CCDC73: variants seen among roughly 807,000 people sequenced by gnomAD.
The protein encoded by CCDC73 is coiled-coil domain containing 73, also known as coiled-coil domain-containing protein 73.
Under a neutral mutation model 116.5 loss-of-function variants are expected in CCDC73, and 95 were observed. The observed-to-expected ratio is 0.82, with a 90% CI of 0.69 to 0.97. The LOEUF (loss-of-function observed/expected upper bound fraction) is 0.97. Among genes scored for constraint, CCDC73 ranks in the 50% least tolerant of loss-of-function variants. The pLI is 0.00. For synonymous variants in CCDC73, 398 were observed against 401.3 expected (o/e 0.99, Z 0.10); for missense variants, 1,066 against 1,206.8 (o/e 0.88, Z 1.73).
intron 1 of CCDC73, among the ~76,000 whole-genome samples, chr11:32,779,700 G>A (rs368948948): frequency 4.6e-5 from 7 of 152,074 alleles, no homozygotes; most frequent in East Asian, 3.8e-4. Flanking sequence ...AATGACAGAC[G>A]CACAGTTCAA....
In CCDC73 at chr11:32,712,030, T is replaced by C. The variant is rs528111207; in HGVS notation, c.207+6046A>G. On this transcript the variant is annotated intron_variant, in intron 3 of 17. Coordinates refer to ENST00000335185, the MANE Select transcript of CCDC73 (RefSeq NM_001008391.4). ...TTAAGGATTTATTTAGACTTCATGA[T>C]ACCTCATGCTGCGCAATCCTTGTTA... Among the ~76,000 whole-genome samples the C allele has an allele frequency of 9.2e-5, 14 of 152,334 alleles. No individual in the cohort carries two copies. In the South Asian group the frequency reaches 2.9e-3, roughly 32 times the overall value.
At chr11:32,671,398 C>CAAAAAAAAAAAAAAAAA (rs58075036) in intron 9 of CCDC73, among the ~76,000 whole-genome samples, 1 of 122,420 alleles carries the variant, frequency 8.2e-6, no homozygotes, top group African/African-American at 3.0e-5. Flanking sequence ...AACTTTGCTC[C>CAAAAAAAAAAAAAAAAA]AAAAAAAAAA....
intron 9 of CCDC73, among the ~76,000 whole-genome samples, chr11:32,655,991 G>A (rs1049935261): frequency 6.6e-6 from 1 of 151,962 alleles, no homozygotes; most frequent in Non-Finnish European, 1.5e-5. Flanking sequence ...TTTCGGTCTC[G>A]GCTACACAGT....
At chr11:32,759,099 T>C (rs965143592) in intron 2 of CCDC73, among the ~76,000 whole-genome samples, 5 of 152,010 alleles carry the variant, frequency 3.3e-5, no homozygotes, top group African/African-American at 1.2e-4. Context: ...TATTGATTCT[T>C]CTTTCTGCCT....
chr11:32,700,783 A>T lies in CCDC73; in HGVS notation c.315+8T>A, dbSNP rs1396966079. ...ATAGACAGAAAATTTTAAAAAAATTATAAATACCTTTTCTTCTTCCAGGGC... is the reference window on the plus strand; with the variant it reads ...ATAGACAGAAAATTTTAAAAAAATTTTAAATACCTTTTCTTCTTCCAGGGC... On this transcript the variant is annotated splice_region_variant and intron_variant, in intron 5 of 17. Coordinates refer to ENST00000335185, the MANE Select transcript of CCDC73 (RefSeq NM_001008391.4). The T allele has an allele frequency of 4.4e-6, 6 of 1,379,114 alleles. No individual in the cohort carries two copies. The highest frequency in any genetic ancestry group is 5.9e-6 in the Non-Finnish European group (6 of 1,017,596). 85.4% of individuals were successfully genotyped at this position (1,379,114 alleles called of 1,614,324 possible).
At chr11:32,829,738 A>C in the CCDC73 span, 3 of 983,836 alleles carry the variant, frequency 3.0e-6, no homozygotes, top group Non-Finnish European at 3.6e-6. Flanking sequence ...CCGCGCCGCC[A>C]AGGCGGGGCC....
intron 6 of CCDC73, among the ~76,000 whole-genome samples, chr11:32,690,181 A>G (rs1856241901): frequency 6.6e-6 from 1 of 152,186 alleles, no homozygotes; most frequent in Non-Finnish European, 1.5e-5. Flanking sequence ...TTGTTCCCAA[A>G]AAATATATTA....
intron 1 of CCDC73, among the ~76,000 whole-genome samples, chr11:32,776,799 CATAT>C (rs887619859): frequency 1.3e-5 from 2 of 150,850 alleles, no homozygotes; most frequent in Non-Finnish European, 3.0e-5. Context: ...AACTCCACAG[CATAT>C]ATATATACAT....
At chr11:32,634,404 T>A (rs1855660123) in intron 14 of CCDC73, among the ~76,000 whole-genome samples, 1 of 152,116 alleles carries the variant, frequency 6.6e-6, no homozygotes. Context: ...AAAAACCCAA[T>A]CATCTTAATA....
intron 17 of CCDC73, chr11:32,604,433 C>A (rs189214636): frequency 6.6e-6 from 1 of 152,106 alleles, no homozygotes; most frequent in Non-Finnish European, 1.5e-5. Flanking sequence ...GGGATATACA[C>A]GTGTATTTTA....
rs182250605 is a variant in CCDC73 at position 32,664,109 on chromosome 11, G to A, written c.646-9137C>T. 7.1e-3 allele frequency among the ~76,000 whole-genome samples: 1,088 copies of A among 152,206 alleles called. 16 individuals carry two copies. Among genetic ancestry groups the A allele is most frequent in the African/African-American group, 0.025 (1,050 of 41,524 alleles). ...CTATTTTATTGAGGATTTTTGCATC[G>A]ATGTTCATTAGGGATATTGGTCTAA... On this transcript the variant is annotated intron_variant, in intron 9 of 17. Transcript: ENST00000335185.
the CCDC73 span, among the ~76,000 whole-genome samples, chr11:32,816,853 G>A: frequency 6.6e-6 from 1 of 151,856 alleles, no homozygotes; most frequent in African/African-American, 2.4e-5. Flanking sequence ...GCGCGATCTC[G>A]GCTCACTGCA....
intron 3 of CCDC73, among the ~76,000 whole-genome samples, chr11:32,703,880 T>C (rs1849833362): frequency 6.6e-6 from 1 of 152,256 alleles, no homozygotes; most frequent in Non-Finnish European, 1.5e-5. Context: ...TTCTCATCAT[T>C]TAAAAATTAA....
intron 9 of CCDC73, among the ~76,000 whole-genome samples, chr11:32,662,615 A>T (rs1855941412): frequency 6.6e-6 from 1 of 151,460 alleles, no homozygotes; most frequent in African/African-American, 2.4e-5. Flanking sequence ...AGATTGCAAA[A>T]TTTTTTTCCC....
chr11:32,655,099 T>TGTATTTTCCCTACG, intron 9 of CCDC73, 127 bp from the exon 10 acceptor site: 3 of 72,296 alleles, frequency 4.1e-5, no homozygotes, highest in Admixed American at 2.3e-4. Context: ...CCCTTGCAAG[T>TGTATTTTCCCTACG]TCCCTTGCAA....
chr11:32,730,656 C>G (rs1590617837), intron 2 of CCDC73, among the ~76,000 whole-genome samples: 1 of 152,194 alleles, frequency 6.6e-6, no homozygotes, highest in East Asian at 1.9e-4. Flanking sequence ...ATTCATCCTA[C>G]TGGGCTTCAC....
At chr11:32,760,019 A>AT (rs1383051297) in intron 2 of CCDC73, 90 bp downstream of exon 2, 32 of 1,073,390 alleles carry the variant, frequency 3.0e-5, no homozygotes, top group Admixed American at 1.6e-4. Context: ...AACAAGAGGG[A>AT]TTTTTTAGGC....
At chr11:32,814,490 A>G in the CCDC73 span, among the ~76,000 whole-genome samples, 8 of 152,220 alleles carry the variant, frequency 5.3e-5, no homozygotes, top group Non-Finnish European at 1.2e-4. Context: ...AAAGAAAGAA[A>G]GCCCCTAAGA....
At chr11:32,706,618 C>T (rs1394885741) in intron 3 of CCDC73, among the ~76,000 whole-genome samples, 4 of 152,026 alleles carry the variant, frequency 2.6e-5, no homozygotes, top group Non-Finnish European at 4.4e-5. Flanking sequence ...GGGGAGAAAT[C>T]GTGTATTCAA....
Sources: allele counts gnomAD v4.1 joint callset (sites outside exome capture counted in the v4.1 genomes callset), GRCh38; gene constraint gnomAD v4.1.1; transcripts MANE v1.5; gene names NCBI Gene and HGNC (gene_info 2026-07-23, HGNC 2026-07-21).